Variants in TDRD9 observed in about 807,000 individuals in gnomAD.
TDRD9 encodes the protein ATP-dependent RNA helicase TDRD9.
Under a neutral mutation model 172.6 loss-of-function variants are expected in TDRD9, and 124 were observed. The ratio of observed to expected loss-of-function variants is 0.72; its 90% CI spans 0.62 to 0.83. TDRD9 has a LOEUF of 0.83. Ranked by LOEUF, TDRD9 falls within the 40% of genes least tolerant of loss-of-function variation. TDRD9 has a pLI of 0.00. For synonymous variants in TDRD9, 619 were observed against 617.1 expected, an observed-to-expected ratio of 1.00 and a Z score of -0.05; for missense variants, 1,479 against 1,714.1, an observed-to-expected ratio of 0.86 and a Z score of 2.42.
At chr14:103,965,211 C>CA (rs2032682470) in intron 3 of TDRD9, 122 bp from the exon 4 acceptor site, 4 of 1,083,784 alleles carry the variant, frequency 3.7e-6, no homozygotes, top group Non-Finnish European at 5.3e-6. Flanking sequence ...GACTCCATCT[C>CA]AAACAAAACA....
intron 1 of TDRD9, among the ~76,000 whole-genome samples, chr14:103,948,492 G>A (rs1287216333): frequency 6.6e-6 from 1 of 152,062 alleles, no homozygotes; most frequent in Non-Finnish European, 1.5e-5. Context: ...TCACTTTTGG[G>A]TATATACCCA....
intron 13 of TDRD9, among the ~76,000 whole-genome samples, chr14:103,999,642 G>GGCATTTAATCTTTTAATCTTCCTC (rs2034185928): frequency 7.9e-6 from 1 of 125,956 alleles, no homozygotes. Context: ...TTGTTTTTTA[G>GGCATTTAATCTTTTAATCTTCCTC]AAAACCTTTT....
Position 103,994,519 on chromosome 14 carries a change from G to A in TDRD9, c.1236G>A (p.Arg412=), listed in dbSNP as rs1297136872. Residue 412 remains arginine, a splice_region_variant and synonymous_variant, in exon 11 of 36, where the codon AGG becomes AGA. Transcript: ENST00000409874. ...HELLTSLVHK[R]LQVYPLHSSV... ...AGATTTTATTTTAGTAATTTCTTAG[G>A]TTGCAGGTCTATCCACTCCATTCAA... The A allele has an allele frequency of 8.7e-6, 14 of 1,613,290 alleles. No individual in the cohort carries two copies. Among genetic ancestry groups the A allele is most frequent in the Non-Finnish European group, 1.1e-5 (13 of 1,179,642 alleles).
chr14:103,958,220 T>C (rs552037616), intron 2 of TDRD9, among the ~76,000 whole-genome samples: 3 of 152,316 alleles, frequency 2.0e-5, no homozygotes, highest in Admixed American at 1.3e-4. Flanking sequence ...AGGATTTGAC[T>C]TGGGCTGTGG....
Position 104,040,305 on chromosome 14 carries a change from G to A in TDRD9, c.3826G>A (p.Val1276Ile), listed in dbSNP as rs182776644. The change falls in exon 33 of 36, where the codon GTT becomes ATT. Residue 1276 changes from valine to isoleucine, a missense_variant. Val to Ile is a conservative substitution (Grantham distance 29, BLOSUM62 3). Transcript: ENST00000409874. Reference sequence around the variant, plus strand: ...GCACGACATGGAGCTTGCGTTTGACGTTCAATTCAGCGTGGAGGATGTCGT... The same window carrying A: ...GCACGACATGGAGCTTGCGTTTGACATTCAATTCAGCGTGGAGGATGTCGT... The part of the protein sequence containing the change: ...PEHDMELAFD[V>I]QFSVEDVVEV... 55 of 1,551,136 alleles carry A rather than the reference G, an allele frequency of 3.5e-5. No homozygotes were observed. In the African/African-American group the frequency reaches 5.1e-4, roughly 14 times the overall value.
intron 1 of TDRD9, chr14:103,941,638 AGT>A: frequency 6.5e-7 from 1 of 1,535,116 alleles, no homozygotes; most frequent in Non-Finnish European, 8.7e-7. Flanking sequence ...GAGCCAGGAT[AGT>A]GTGTGGGTTT....
intron 4 of TDRD9, among the ~76,000 whole-genome samples, chr14:103,966,149 G>T (rs2032736490): frequency 6.6e-6 from 1 of 152,120 alleles, no homozygotes; most frequent in South Asian, 2.1e-4. Flanking sequence ...TGGCCAACAT[G>T]GTGAAACCCC....
intron 5 of TDRD9, among the ~76,000 whole-genome samples, chr14:103,967,526 AAAC>A (rs1005248888): frequency 1.3e-5 from 2 of 152,032 alleles, no homozygotes; most frequent in Admixed American, 6.6e-5. Flanking sequence ...CTGCGTTGGA[AAAC>A]AACAATAACA....
intron 30 of TDRD9, 99 bp downstream of exon 30, chr14:104,032,186 A>G: frequency 1.3e-6 from 1 of 741,358 alleles, no homozygotes; most frequent in Non-Finnish European, 2.1e-6. Flanking sequence ...AACTGTTGGA[A>G]TGTGTTATCT....
chr14:104,006,753 T>A (rs924908300), intron 17 of TDRD9, 29 bp from the exon 18 acceptor site: 1 of 1,612,896 alleles, frequency 6.2e-7, no homozygotes, highest in South Asian at 1.1e-5. Flanking sequence ...ATTTTAATGG[T>A]ATTGAATGAC....
intron 33 of TDRD9, 116 bp downstream of exon 33, chr14:104,040,450 C>G: frequency 8.6e-7 from 1 of 1,166,614 alleles, no homozygotes; most frequent in Non-Finnish European, 1.1e-6. Context: ...ACCTCTGGTC[C>G]TGGAGATGTG....
At chr14:103,936,185 C>A (rs1451127700) in intron 1 of TDRD9, among the ~76,000 whole-genome samples, 1 of 152,106 alleles carries the variant, frequency 6.6e-6, no homozygotes, top group Non-Finnish European at 1.5e-5. Context: ...CTCAAGTGAT[C>A]CTCCCTTGAT....
chr14:103,984,406 G>A (rs942980490), intron 7 of TDRD9, among the ~76,000 whole-genome samples: 7 of 152,210 alleles, frequency 4.6e-5, no homozygotes, highest in African/African-American at 1.4e-4. Context: ...GCAGCCTAGG[G>A]ACTTGGTGCC....
chr14:104,012,867 G>A (rs959284881), intron 20 of TDRD9, among the ~76,000 whole-genome samples: 1 of 152,116 alleles, frequency 6.6e-6, no homozygotes, highest in Non-Finnish European at 1.5e-5. Flanking sequence ...CTAAAGCTCT[G>A]AGAGGTGTGA....
Position 103,928,605 on chromosome 14 carries a change from CCCGG to C in TDRD9, c.98_101del (p.Pro33GlnfsTer48), listed in dbSNP as rs2030132445. On this transcript the variant is annotated frameshift_variant, in exon 1 of 36. Transcript: ENST00000409874. LOFTEE classifies it high-confidence loss of function. ...AGCTGCTGGGCGCGCCGCCCGCCTT[CCCGG>C]CAGGGGCGGCCAGGGAGGAGGTGCA... is the stretch of plus-strand genomic sequence containing the variant. 1 of 1,339,020 alleles carries C rather than the reference CCCGG, an allele frequency of 7.5e-7. No individual in the cohort carries two copies. Among genetic ancestry groups the C allele is most frequent in the South Asian group, 1.7e-5 (1 of 58,398 alleles). 82.9% of individuals were successfully genotyped at this position (1,339,020 alleles called of 1,614,324 possible).
chr14:104,045,194 A>G (rs2035732203), intron 34 of TDRD9, among the ~76,000 whole-genome samples: 1 of 151,992 alleles, frequency 6.6e-6, no homozygotes. Context: ...ATAGCTGTAC[A>G]ATGTTACATT....
intron 35 of TDRD9, 90 bp downstream of exon 35, chr14:104,049,770 G>A (rs1644767730): frequency 8.5e-7 from 1 of 1,176,706 alleles, no homozygotes; most frequent in Non-Finnish European, 1.2e-6. Context: ...GCCAGGGCTG[G>A]CCGAGGGTCT....
intron 28 of TDRD9, 33 bp from the exon 29 acceptor site, chr14:104,031,075 T>A (rs1458270395): frequency 6.5e-7 from 1 of 1,540,110 alleles, no homozygotes; most frequent in Non-Finnish European, 8.7e-7. Flanking sequence ...TAATATTTTC[T>A]TTTAACAAAA....
At chr14:103,961,011 C>G (rs1054406645) in intron 2 of TDRD9, among the ~76,000 whole-genome samples, 1 of 152,140 alleles carries the variant, frequency 6.6e-6, no homozygotes, top group Non-Finnish European at 1.5e-5. Context: ...CCACCCTGTT[C>G]CTCACTAGAA....
Sources: allele counts gnomAD v4.1 joint callset (sites outside exome capture counted in the v4.1 genomes callset), GRCh38; gene constraint gnomAD v4.1.1; transcripts MANE v1.5; gene names NCBI Gene and HGNC (gene_info 2026-07-23, HGNC 2026-07-21).